WDPCP: variants seen among roughly 807,000 people sequenced by gnomAD.
The protein encoded by WDPCP is WD repeat-containing and planar cell polarity effector protein fritz homolog.
In WDPCP, 71 loss-of-function variants were observed where a neutral mutation model predicts 93.1. The observed-to-expected ratio is 0.76, with a 90% confidence interval of 0.63 to 0.93. The LOEUF is 0.93. WDPCP is among the 40% of genes least tolerant of loss of function. The probability of loss-of-function intolerance (pLI) is 0.00; values close to 1 mark genes in which losing one functional copy is unlikely to be tolerated. For missense variants in WDPCP, 844 were observed against 887.4 expected, an observed-to-expected ratio of 0.95 and a Z score of 0.62; for synonymous variants, 315 against 315.0, an observed-to-expected ratio of 1.00 and a Z score of 0.00.
chr2:63,352,012 C>T (rs1689665628), intron 12 of WDPCP, among the ~76,000 whole-genome samples: 1 of 152,188 alleles, frequency 6.6e-6, no homozygotes. Context: ...TTGCATTTCT[C>T]TAATGATTAG....
chr2:63,452,659 A>C (rs2105661978), intron 6 of WDPCP, among the ~76,000 whole-genome samples: 1 of 152,364 alleles, frequency 6.6e-6, no homozygotes, highest in East Asian at 1.9e-4. Context: ...AAAAGAATAA[A>C]GCTGGAGGCA....
At chr2:63,362,277 T>TGTGTGTGTG (rs1553362984) in intron 12 of WDPCP, among the ~76,000 whole-genome samples, 54 of 93,944 alleles carry the variant, frequency 5.7e-4, no homozygotes, top group South Asian at 1.3e-3. Context: ...TTTTTTTTGG[T>TGTGTGTGTG]TGTGTGTGTG....
At position 63,259,374 on chromosome 2, in the gene WDPCP, C is replaced by T. The variant is rs769279092; in HGVS notation, c.1848G>A (p.Leu616=). Residue 616 remains leucine, a synonymous_variant, in exon 14 of 18, where the codon TTG becomes TTA. Transcript: ENST00000272321. ...TTTTTCTTGCCACTTCAGCTAGTGCCAATTCACCTTTATCTAGTGCAAGGT... is the reference window on the plus strand; with the variant it reads ...TTTTTCTTGCCACTTCAGCTAGTGCTAATTCACCTTTATCTAGTGCAAGGT... The part of the protein sequence containing the change: ...IHYLALDKGE[L]ALAEVARKRA... The T allele has an allele frequency of 4.3e-6, 7 of 1,612,364 alleles. No homozygotes were observed. Among genetic ancestry groups the T allele is most frequent in the Non-Finnish European group, 2.5e-6 (3 of 1,179,552 alleles).
chr2:63,779,580 G>C (rs1466700501), intron 2 of WDPCP, among the ~76,000 whole-genome samples: 1 of 152,128 alleles, frequency 6.6e-6, no homozygotes, highest in East Asian at 1.9e-4. Context: ...ACCCTCTTTG[G>C]TGGGGAGGGG....
chr2:63,504,826 T>C (rs1029265261), intron 1 of WDPCP, among the ~76,000 whole-genome samples: 2 of 152,090 alleles, frequency 1.3e-5, no homozygotes, highest in African/African-American at 4.8e-5. Flanking sequence ...CAATAGTTTA[T>C]AAGTAAATTG....
At chr2:63,374,053 T>C in intron 12 of WDPCP, among the ~76,000 whole-genome samples, 1 of 48,052 alleles carries the variant, frequency 2.1e-5, no homozygotes, top group East Asian at 1.3e-3. Flanking sequence ...AAGTTTATGA[T>C]TTTTTTTTTT....
intron 3 of WDPCP, among the ~76,000 whole-genome samples, chr2:63,630,946 A>C (rs1301442485): frequency 1.3e-5 from 2 of 152,212 alleles, no homozygotes; most frequent in Non-Finnish European, 2.9e-5. Context: ...TGGAAAGACA[A>C]TAGGAAAATC....
rs900615857 is a variant in WDPCP, at chr2:63,594,466, T to C, written n.488+56193A>G. 6 of 1,542,104 alleles carry C rather than the reference T, an allele frequency of 3.9e-6. No individual in the cohort carries two copies. In the African/African-American group the frequency reaches 5.5e-5, roughly 14 times the overall value. ...AAGGTACAGTAGTACTTAAAGATGT[T>C]AATGGGTCTTTTTCATTACAGTCTG... On this transcript the variant is annotated intron_variant and non_coding_transcript_variant, in intron 3 of 4. Transcript: ENST00000467687.
At chr2:63,320,498 C>T (rs1368510922) in intron 12 of WDPCP, among the ~76,000 whole-genome samples, 1 of 152,056 alleles carries the variant, frequency 6.6e-6, no homozygotes, top group East Asian at 1.9e-4. Flanking sequence ...AGGGTTGTAA[C>T]ATGTAGGTTA....
chr2:63,652,107 G>A (rs946425870), intron 2 of WDPCP, among the ~76,000 whole-genome samples: 2 of 152,230 alleles, frequency 1.3e-5, no homozygotes, highest in African/African-American at 4.8e-5. Context: ...ATTGAAAGAT[G>A]CAAGTGGCCC....
intron 17 of WDPCP, among the ~76,000 whole-genome samples, chr2:63,150,297 A>G (rs140995142): frequency 0.015 from 2,210 of 152,222 alleles, 30 homozygotes; most frequent in Middle Eastern, 0.024. Context: ...TTAACCAAGG[A>G]TGACTTTTTA....
Position 63,143,053 on chromosome 2 carries a change from C to T in WDPCP, c.2190+9861G>A, listed in dbSNP as rs148081226. On this transcript the variant is annotated intron_variant, in intron 17 of 17. Coordinates refer to ENST00000272321, the MANE Select transcript of WDPCP (RefSeq NM_015910.7). ...ACACTTTCTGCCTCCCAAGTTCAAGCGATTCTCCTGCCCCAGCCTCGTGGA... is the reference window on the plus strand; with the variant it reads ...ACACTTTCTGCCTCCCAAGTTCAAGTGATTCTCCTGCCCCAGCCTCGTGGA... 1.5e-3 allele frequency among the ~76,000 whole-genome samples: 224 copies of T among 152,066 alleles called. No individual in the cohort carries two copies. The Middle Eastern group carries it at 0.017, about 12-fold the overall frequency.
chr2:63,583,634 T>G (rs964053884), intron 1 of WDPCP, among the ~76,000 whole-genome samples: 5 of 150,884 alleles, frequency 3.3e-5, no homozygotes, highest in Non-Finnish European at 7.4e-5. Context: ...TGAGCCAAGA[T>G]TGCGCCACTG....
chr2:63,382,147 CAA>C, intron 10 of WDPCP, 53 bp from the exon 11 acceptor site: 1 of 1,537,036 alleles, frequency 6.5e-7, no homozygotes, highest in South Asian at 1.2e-5. Flanking sequence ...AATAGAATAA[CAA>C]AAAGAGTTAA....
At chr2:63,695,350 T>C (rs576567225) in intron 2 of WDPCP, among the ~76,000 whole-genome samples, 4 of 152,318 alleles carry the variant, frequency 2.6e-5, no homozygotes, top group African/African-American at 7.2e-5. Context: ...AAGAGACTTA[T>C]TTAGAAGATT....
At chr2:63,800,913 G>C (rs1670685359) in intron 2 of WDPCP, among the ~76,000 whole-genome samples, 2 of 152,054 alleles carry the variant, frequency 1.3e-5, no homozygotes, top group Non-Finnish European at 2.9e-5. Flanking sequence ...AATTAGCCAG[G>C]CATGGTGGTG....
At chr2:63,251,587 GTTCATGCCATTCTCC>G (rs1680732983) in intron 14 of WDPCP, among the ~76,000 whole-genome samples, 1 of 149,454 alleles carries the variant, frequency 6.7e-6, no homozygotes. Context: ...TGCCTCCTGG[GTTCATGCCATTCTCC>G]TGCCTCAGCC....
intron 17 of WDPCP, among the ~76,000 whole-genome samples, chr2:63,135,087 C>T (rs1670527160): frequency 6.6e-6 from 1 of 152,064 alleles, no homozygotes; most frequent in Non-Finnish European, 1.5e-5. Context: ...CGCACCACTG[C>T]ACTCCAGCCT....
chr2:63,287,875 C>T (rs756066077), intron 13 of WDPCP, among the ~76,000 whole-genome samples: 17 of 152,024 alleles, frequency 1.1e-4, no homozygotes, highest in African/African-American at 3.6e-4. Flanking sequence ...GAGGCAAAAA[C>T]GAGTCTATAT....
Sources: gnomAD v4.1 joint callset for allele counts (sites outside exome capture counted in the v4.1 genomes callset) on GRCh38, gnomAD v4.1.1 for gene constraint, MANE v1.5 for transcripts, NCBI Gene and HGNC (gene_info 2026-07-23, HGNC 2026-07-21) for gene names.